The following SLC39A8 variants were observed in gnomAD, a reference collection of about 807,000 sequenced individuals.
The protein encoded by SLC39A8 is solute carrier family 39 member 8.
Under a neutral mutation model 40.4 loss-of-function variants are expected in SLC39A8, and 15 were observed. The observed-to-expected ratio is 0.37, with a 90% CI of 0.25 to 0.57. The LOEUF (loss-of-function observed/expected upper bound fraction) is 0.57. SLC39A8 is among the 20% of genes least tolerant of loss of function. The pLI, the probability that SLC39A8 is intolerant of heterozygous loss-of-function variation, is 0.75. For missense variants in SLC39A8, 472 were observed against 558.8 expected, an observed-to-expected ratio of 0.84 and a Z score of 1.57; for synonymous variants, 223 against 221.6, an observed-to-expected ratio of 1.01 and a Z score of -0.06.
chr4:102,279,964 CA>C (rs1291289838), intron 6 of SLC39A8, among the ~76,000 whole-genome samples: 1 of 152,144 alleles, frequency 6.6e-6, no homozygotes, highest in Non-Finnish European at 1.5e-5. Context: ...CTTCTTTCCC[CA>C]TAAGACCTGC....
intron 3 of SLC39A8, among the ~76,000 whole-genome samples, chr4:102,310,573 A>C (rs1009545874): frequency 1.3e-5 from 2 of 152,114 alleles, no homozygotes; most frequent in African/African-American, 4.8e-5. Context: ...GCCCTTGCAC[A>C]TTTATCAGCA....
chr4:102,274,676 G>GA (rs1560531119), intron 6 of SLC39A8, among the ~76,000 whole-genome samples: 6 of 152,244 alleles, frequency 3.9e-5, no homozygotes, highest in Admixed American at 3.9e-4. Context: ...TGGAATGCAG[G>GA]AAAAAATGTT....
At chr4:102,255,417 C>G (rs1050437704) in intron 11 of SLC39A8, among the ~76,000 whole-genome samples, 3 of 152,196 alleles carry the variant, frequency 2.0e-5, no homozygotes, top group African/African-American at 7.2e-5. Context: ...TCTCTCCAAT[C>G]AGTCCCCATA....
chr4:102,337,768 T>G (rs1490946509), intron 2 of SLC39A8, among the ~76,000 whole-genome samples: 1 of 152,198 alleles, frequency 6.6e-6, no homozygotes. Context: ...AGAAATGAAC[T>G]GAAAGGTTTC....
chr4:102,265,699 G>A (rs1273546770), intron 8 of SLC39A8, among the ~76,000 whole-genome samples: 7 of 152,200 alleles, frequency 4.6e-5, no homozygotes, highest in Admixed American at 4.6e-4. Flanking sequence ...GATGTTTAAA[G>A]GTTTTAGTAC....
At chr4:102,341,426 A>T (rs951242107) in intron 2 of SLC39A8, among the ~76,000 whole-genome samples, 1 of 152,240 alleles carries the variant, frequency 6.6e-6, no homozygotes, top group Non-Finnish European at 1.5e-5. Context: ...GAACAAACAA[A>T]AGGCAGCACT....
chr4:102,265,015 T>C (rs1341963936), intron 8 of SLC39A8, among the ~76,000 whole-genome samples: 1 of 152,238 alleles, frequency 6.6e-6, no homozygotes. Context: ...TGTTTTGCTT[T>C]CTTATTATTT....
In SLC39A8 at chr4:102,261,682, T is replaced by G. The variant is rs1333471356; in HGVS notation, c.*1362A>C. 1.0e-6 allele frequency: 1 copy of G among 977,926 alleles called. No homozygotes were observed. Among genetic ancestry groups the G allele is most frequent in the East Asian group, 1.1e-4 (1 of 8,920 alleles). 60.6% of individuals were successfully genotyped at this position (977,926 alleles called of 1,614,324 possible). ...CACAATACATGGTTTCAAAAGGGTGTTTACTATTTGGCCAAACAATATTTT... is the reference window on the plus strand; with the variant it reads ...CACAATACATGGTTTCAAAAGGGTGGTTACTATTTGGCCAAACAATATTTT... On this transcript the variant is annotated 3_prime_UTR_variant, in exon 9 of 9. Transcript: ENST00000356736.
At chr4:102,315,851 A>G (rs752559838) in intron 2 of SLC39A8, 21 bp from the exon 3 acceptor site, 2 of 1,590,956 alleles carry the variant, frequency 1.3e-6, no homozygotes, top group Non-Finnish European at 1.7e-6. Flanking sequence ...ATAAACAAAA[A>G]AAAAATGTGA....
intron 6 of SLC39A8, among the ~76,000 whole-genome samples, chr4:102,280,910 C>G (rs1732842439): frequency 6.6e-6 from 1 of 152,206 alleles, no homozygotes; most frequent in South Asian, 2.1e-4. Context: ...GGGACCATAG[C>G]ATTTTTACTG....
chr4:102,317,886 T>C (rs1022915813), intron 2 of SLC39A8, among the ~76,000 whole-genome samples: 2 of 152,174 alleles, frequency 1.3e-5, no homozygotes, highest in Non-Finnish European at 2.9e-5. Flanking sequence ...TTGTAACCCA[T>C]TCCTGAATCA....
At chr4:102,257,250 G>A (rs1731729335), downstream of SLC39A8, among the ~76,000 whole-genome samples, 1 of 151,748 alleles carries the variant, frequency 6.6e-6, no homozygotes, top group Admixed American at 6.6e-5. Flanking sequence ...TGCCTCCCGG[G>A]TTCAATTCTC....
At chr4:102,274,960 A>G (rs972105033) in intron 6 of SLC39A8, among the ~76,000 whole-genome samples, 46 of 152,206 alleles carry the variant, frequency 3.0e-4, no homozygotes, top group African/African-American at 1.0e-3. Context: ...AGCAGTAAAT[A>G]TGGAAAGGAA....
intron 2 of SLC39A8, among the ~76,000 whole-genome samples, chr4:102,328,667 C>T (rs1404749371): frequency 6.6e-6 from 1 of 152,144 alleles, no homozygotes; most frequent in Non-Finnish European, 1.5e-5. Flanking sequence ...GGAGGCTTTC[C>T]AGGTAAACCC....
chr4:102,262,845 G>C lies in SLC39A8; in HGVS notation c.*199C>G. 1 of 1,351,614 alleles carries C rather than the reference G, an allele frequency of 7.4e-7. No individual in the cohort carries two copies. Among genetic ancestry groups the C allele is most frequent in the Non-Finnish European group, 9.5e-7 (1 of 1,054,020 alleles). 83.7% of individuals were successfully genotyped at this position (1,351,614 alleles called of 1,614,324 possible). On this transcript the variant is annotated 3_prime_UTR_variant, in exon 9 of 9. Coordinates refer to ENST00000356736, the MANE Select transcript of SLC39A8 (RefSeq NM_001135146.2). The stretch of plus-strand genomic sequence containing the variant: ...TCCTATATACCAGGCATCTCAGACT[G>C]ACACTGAAAACCTTTTGAAGCATTT...
At chr4:102,325,134 T>G (rs1735141600) in intron 2 of SLC39A8, among the ~76,000 whole-genome samples, 1 of 152,094 alleles carries the variant, frequency 6.6e-6, no homozygotes, top group South Asian at 2.1e-4. Flanking sequence ...CTCTCCACCT[T>G]CTCTTGAAGT....
chr4:102,333,356 C>T (rs945542097), intron 2 of SLC39A8, among the ~76,000 whole-genome samples: 1 of 152,088 alleles, frequency 6.6e-6, no homozygotes, highest in African/African-American at 2.4e-5. Flanking sequence ...TTCATCTCTA[C>T]TACAATCCCA....
chr4:102,287,113 G>A (rs1029781585), intron 6 of SLC39A8, among the ~76,000 whole-genome samples: 2 of 152,046 alleles, frequency 1.3e-5, no homozygotes, highest in Non-Finnish European at 2.9e-5. Flanking sequence ...TAGCTAAAAA[G>A]CTACCCCAGT....
intron 6 of SLC39A8, among the ~76,000 whole-genome samples, chr4:102,302,616 A>C (rs1161144060): frequency 6.6e-6 from 1 of 152,018 alleles, no homozygotes; most frequent in Admixed American, 6.6e-5. Context: ...GCAGTCCAGC[A>C]AAGTATATAA....
Sources: gnomAD v4.1 joint callset for allele counts (sites outside exome capture counted in the v4.1 genomes callset) on GRCh38, gnomAD v4.1.1 for gene constraint, MANE v1.5 for transcripts, NCBI Gene and HGNC (gene_info 2026-07-23, HGNC 2026-07-21) for gene names.